MROH9: variants seen among roughly 807,000 people sequenced by gnomAD.
The protein encoded by MROH9 is maestro heat like repeat family member 9.
In MROH9, 92 loss-of-function variants were observed where a neutral mutation model predicts 98.2. The observed-to-expected ratio is 0.94, with a 90% CI of 0.79 to 1.11. The LOEUF is 1.11. MROH9 is among the 50% of genes most tolerant of loss of function. MROH9 has a pLI of 0.00. For missense variants in MROH9, 1,057 were observed against 1,014.8 expected, an observed-to-expected ratio of 1.04 and a Z score of -0.57; for synonymous variants, 397 against 368.9, an observed-to-expected ratio of 1.08 and a Z score of -0.87.
At chr1:171,034,789 T>C (rs965924676) in intron 20 of MROH9, among the ~76,000 whole-genome samples, 1 of 152,212 alleles carries the variant, frequency 6.6e-6, no homozygotes, top group African/African-American at 2.4e-5. Context: ...TTTCACCAGA[T>C]ACCAAGATTT....
chr1:170,953,025 G>A (rs1413804551), intron 3 of MROH9, among the ~76,000 whole-genome samples: 2 of 151,962 alleles, frequency 1.3e-5, no homozygotes, highest in Admixed American at 6.6e-5. Flanking sequence ...CACTATCAGA[G>A]GAACTTTGAA....
At chr1:170,935,872 A>G (rs938963770) in intron 1 of MROH9, among the ~76,000 whole-genome samples, 2 of 150,436 alleles carry the variant, frequency 1.3e-5, no homozygotes, top group African/African-American at 4.9e-5. Flanking sequence ...GGTGCCTGTA[A>G]TCCCAGCTAC....
chr1:171,064,592 A>G lies in MROH9; in HGVS notation c.*252A>G, dbSNP rs1299157616. On this transcript the variant is annotated 3_prime_UTR_variant, in exon 22 of 22. Transcript: ENST00000367759. The stretch of plus-strand genomic sequence containing the variant: ...GAAGCCCTATTTCATCAAAACCACT[A>G]AGACAATTGAAAATAACATAAGCAA... The G allele has an allele frequency of 2.8e-6, 1 of 355,322 alleles. No homozygotes were observed. Among genetic ancestry groups the G allele is most frequent in the Admixed American group, 4.5e-5 (1 of 22,096 alleles). The allele number at this position is 355,322 out of a possible 1,614,324, so 22.0% of individuals were successfully genotyped here.
intron 20 of MROH9, among the ~76,000 whole-genome samples, chr1:171,053,865 G>A (rs1653744327): frequency 6.6e-6 from 1 of 152,048 alleles, no homozygotes. Flanking sequence ...GATAATATCA[G>A]ACATGGCTAA....
chr1:171,000,226 G>A (rs1416070208), intron 15 of MROH9, among the ~76,000 whole-genome samples: 3 of 152,120 alleles, frequency 2.0e-5, no homozygotes, highest in Non-Finnish European at 1.5e-5. Context: ...TGTTGCATTT[G>A]CTTTTGGGTT....
Position 170,990,635 on chromosome 1 carries a change from C to A in MROH9, c.1028+632C>A, listed in dbSNP as rs543348378. On this transcript the variant is annotated intron_variant, in intron 11 of 21. Transcript: ENST00000367759. ...GGCATAAACATTGGAAATCAAGGTA[C>A]TACTTCTCTACTATGAACAGTGTAA... Among the ~76,000 whole-genome samples the A allele has an allele frequency of 2.8e-4, 42 of 152,296 alleles. No individual in the cohort carries two copies. In the South Asian group the frequency reaches 8.7e-3, roughly 32 times the overall value.
chr1:170,954,036 T>G (rs1218624794), intron 3 of MROH9, among the ~76,000 whole-genome samples: 1 of 152,120 alleles, frequency 6.6e-6, no homozygotes, highest in Non-Finnish European at 1.5e-5. Flanking sequence ...CCGTTATGAC[T>G]GATGAAAACA....
At chr1:170,968,587 A>C (rs1650321440) in intron 7 of MROH9, among the ~76,000 whole-genome samples, 1 of 152,126 alleles carries the variant, frequency 6.6e-6, no homozygotes, top group Admixed American at 6.6e-5. Context: ...AATTACTATT[A>C]AAGATAGAGA....
chr1:171,022,028 A>G (rs1652537024), intron 17 of MROH9, among the ~76,000 whole-genome samples: 2 of 152,250 alleles, frequency 1.3e-5, no homozygotes, highest in African/African-American at 4.8e-5. Flanking sequence ...AGAGAAATGC[A>G]AATCAAAACC....
intron 15 of MROH9, among the ~76,000 whole-genome samples, chr1:171,010,045 C>T (rs1396472803): frequency 2.6e-5 from 4 of 152,146 alleles, no homozygotes; most frequent in African/African-American, 9.7e-5. Flanking sequence ...GTTTGCTACA[C>T]CCATCAACCC....
At chr1:170,983,349 T>C (rs1571474823) in intron 8 of MROH9, 73 bp from the exon 9 acceptor site, 1 of 1,050,698 alleles carries the variant, frequency 9.5e-7, no homozygotes, top group East Asian at 2.5e-5. Flanking sequence ...GAAAAGAAAA[T>C]TGGAAATAGT....
intron 17 of MROH9, among the ~76,000 whole-genome samples, chr1:171,021,531 T>C (rs1200873901): frequency 6.6e-6 from 1 of 152,160 alleles, no homozygotes; most frequent in Non-Finnish European, 1.5e-5. Flanking sequence ...ATTTAATAAA[T>C]GGTCTGGGAA....
intron 17 of MROH9, among the ~76,000 whole-genome samples, chr1:171,019,600 G>A (rs761380008): frequency 6.6e-6 from 1 of 150,744 alleles, no homozygotes; most frequent in Non-Finnish European, 1.5e-5. Context: ...GCAGTCAGCC[G>A]AGATCACACC....
intron 10 of MROH9, among the ~76,000 whole-genome samples, chr1:170,987,600 A>G (rs559611762): frequency 1.6e-4 from 24 of 152,268 alleles, no homozygotes; most frequent in Non-Finnish European, 3.4e-4. Flanking sequence ...TTTACTATCC[A>G]TACATATATT....
intron 20 of MROH9, among the ~76,000 whole-genome samples, chr1:171,039,085 T>C (rs1441242857): frequency 6.6e-6 from 1 of 152,168 alleles, no homozygotes; most frequent in Non-Finnish European, 1.5e-5. Flanking sequence ...TTCCACACAG[T>C]TGAGATCACA....
At chr1:171,003,008 T>C (rs11488712) in intron 15 of MROH9, among the ~76,000 whole-genome samples, 7,498 of 150,922 alleles carry the variant, frequency 0.05, 570 homozygotes, top group African/African-American at 0.16. Flanking sequence ...CTTTGAGCTC[T>C]GAATGTCTTT....
intron 8 of MROH9, among the ~76,000 whole-genome samples, chr1:170,974,652 A>C (rs1368039569): frequency 6.6e-6 from 1 of 152,164 alleles, no homozygotes; most frequent in Non-Finnish European, 1.5e-5. Context: ...CTTTAACTGC[A>C]AGAAATGTTA....
chr1:170,957,804 T>TG (rs1649827316), intron 3 of MROH9, among the ~76,000 whole-genome samples: 3 of 144,942 alleles, frequency 2.1e-5, no homozygotes, highest in Admixed American at 6.9e-5. Context: ...TGTTTTTTTT[T>TG]TTTTTGTTTG....
At chr1:170,970,731 T>TGTGTGTGTGAGAAA (rs1491154307) in intron 7 of MROH9, among the ~76,000 whole-genome samples, 2 of 90,802 alleles carry the variant, frequency 2.2e-5, no homozygotes, top group Admixed American at 2.3e-4. Flanking sequence ...TGTGTGTGTG[T>TGTGTGTGTGAGAAA]GAGAGAGAGA....
Sources: allele counts gnomAD v4.1 joint callset (sites outside exome capture counted in the v4.1 genomes callset), GRCh38; gene constraint gnomAD v4.1.1; transcripts MANE v1.5; gene names NCBI Gene and HGNC (gene_info 2026-07-23, HGNC 2026-07-21).